SRGAP2: variants seen among roughly 807,000 people sequenced by gnomAD.
SRGAP2 encodes SLIT-ROBO Rho GTPase-activating protein 2.
SRGAP2 carries 15 observed loss-of-function variants against 57.2 expected under a neutral mutation model. That is an observed-to-expected ratio of 0.26 (90% CI 0.18 to 0.40). The LOEUF (loss-of-function observed/expected upper bound fraction) is 0.40, where lower values mean the gene tolerates loss of function less well. Among genes scored for constraint, SRGAP2 ranks in the 10% least tolerant of loss-of-function variants. The pLI, the probability that SRGAP2 is intolerant of heterozygous loss-of-function variation, is 1.00. For synonymous variants in SRGAP2, 249 were observed against 248.0 expected, an observed-to-expected ratio of 1.00 and a Z score of -0.04; for missense variants, 520 against 669.6, an observed-to-expected ratio of 0.78 and a Z score of 2.47.
intron 13 of SRGAP2, among the ~76,000 whole-genome samples, chr1:206,425,197 A>G (rs1553365893): frequency 2.6e-5 from 4 of 152,242 alleles, no homozygotes. Context: ...GCAAACGCTC[A>G]TATCACTAAC....
intron 2 of SRGAP2, among the ~76,000 whole-genome samples, chr1:206,212,409 A>G: frequency 9.8e-6 from 1 of 102,386 alleles, no homozygotes; most frequent in Non-Finnish European, 2.0e-5. Flanking sequence ...TTTTTTTTTT[A>G]AAAGGTACAC....
chr1:206,393,720 C>T (rs782208658), intron 7 of SRGAP2, 47 bp downstream of exon 7: 1 of 585,848 alleles, frequency 1.7e-6, no homozygotes, highest in Non-Finnish European at 3.2e-6. Context: ...TTTCTGGTTT[C>T]AGAATACTCG....
At chr1:206,377,095 G>A (rs1361970034) in intron 4 of SRGAP2, among the ~76,000 whole-genome samples, 2 of 152,136 alleles carry the variant, frequency 1.3e-5, no homozygotes, top group African/African-American at 2.4e-5. Flanking sequence ...GTTTCATATT[G>A]TAGTTGCTTT....
intron 11 of SRGAP2, among the ~76,000 whole-genome samples, chr1:206,418,849 G>A (rs868954067): frequency 1.0e-4 from 15 of 150,290 alleles, no homozygotes; most frequent in East Asian, 2.0e-4. Context: ...GTTCTCTCCC[G>A]CAAACAACTC....
rs573914237 is a variant in SRGAP2, at chr1:206,439,915, A to T, written c.1769-61A>T. On this transcript the variant is annotated intron_variant, in intron 16 of 22. Coordinates refer to ENST00000573034, the MANE Select transcript of SRGAP2 (RefSeq NM_015326.5). ...CCCCTGCTGGTAGTAGGGACTTCTG[A>T]TCATTACTGCCTGGGATCCCAGTCA... The T allele has an allele frequency of 3.6e-5, 27 of 757,584 alleles. No individual in the cohort carries two copies. In the African/African-American group the frequency reaches 4.6e-4, roughly 13 times the overall value. 46.9% of individuals were successfully genotyped at this position (757,584 alleles called of 1,614,324 possible).
chr1:206,421,288 CG>C lies in SRGAP2; in HGVS notation c.1494+18del, dbSNP rs782770855. The stretch of plus-strand genomic sequence containing the variant: ...GTGAGGAAACAGGTAAGGGCCCAAG[CG>C]GGGCCAGGCTGGTCTGGCCTGAAAA... On this transcript the variant is annotated intron_variant, in intron 13 of 22. Transcript: ENST00000573034. 3.9e-6 allele frequency: 3 copies of C among 777,132 alleles called. No homozygotes were observed. Among genetic ancestry groups the C allele is most frequent in the Non-Finnish European group, 7.2e-6 (3 of 416,430 alleles). 48.1% of individuals were successfully genotyped at this position (777,132 alleles called of 1,614,324 possible).
At chr1:206,280,159 C>G (rs1670650015) in intron 2 of SRGAP2, among the ~76,000 whole-genome samples, 1 of 150,820 alleles carries the variant, frequency 6.6e-6, no homozygotes, top group South Asian at 2.1e-4. Flanking sequence ...GTTGCCCCAG[C>G]TGGTCTCCAG....
At chr1:206,349,073 A>G (rs2102946283) in intron 4 of SRGAP2, among the ~76,000 whole-genome samples, 1 of 66,154 alleles carries the variant, frequency 1.5e-5, no homozygotes, top group Admixed American at 1.8e-4. Context: ...GAACTCAGTA[A>G]TAAGACAAAC....
Position 206,319,343 on chromosome 1 carries a change from G to A in SRGAP2, c.260+15870G>A, listed in dbSNP as rs546078198. Among the ~76,000 whole-genome samples the A allele has an allele frequency of 9.9e-5, 15 of 151,310 alleles. No individual in the cohort carries two copies. In the East Asian group the frequency reaches 1.2e-3, roughly 12 times the overall value. ...GGAGAATGGTGTGAACCCAGGAGGCGGAGCTTTCAGTGAGCCGAGATCGCG... is the reference window on the plus strand; with the variant it reads ...GGAGAATGGTGTGAACCCAGGAGGCAGAGCTTTCAGTGAGCCGAGATCGCG... On this transcript the variant is annotated intron_variant, in intron 3 of 22. Coordinates refer to ENST00000573034, the MANE Select transcript of SRGAP2 (RefSeq NM_015326.5).
intron 13 of SRGAP2, among the ~76,000 whole-genome samples, chr1:206,423,830 A>G (rs1280416489): frequency 4.6e-5 from 7 of 150,930 alleles, no homozygotes; most frequent in Non-Finnish European, 1.0e-4. Context: ...GCTGGAGTGC[A>G]GTGGCACAAT....
chr1:206,334,701 G>A (rs1409156856), intron 3 of SRGAP2, among the ~76,000 whole-genome samples: 1 of 152,184 alleles, frequency 6.6e-6, no homozygotes, highest in Admixed American at 6.5e-5. Flanking sequence ...TTGATAATAA[G>A]TGTGTGGATT....
At chr1:206,221,337 G>A (rs1244931425) in intron 2 of SRGAP2, among the ~76,000 whole-genome samples, 3 of 151,122 alleles carry the variant, frequency 2.0e-5, no homozygotes, top group Non-Finnish European at 4.4e-5. Context: ...GTCTTAGTCC[G>A]TTTTCTGTTG....
intron 3 of SRGAP2, among the ~76,000 whole-genome samples, chr1:206,332,541 C>T (rs1298878731): frequency 6.7e-6 from 1 of 149,714 alleles, no homozygotes. Context: ...CTTCCCTTCT[C>T]GCTTCCTTTC....
chr1:206,456,671 G>A (rs1395468182), intron 21 of SRGAP2, among the ~76,000 whole-genome samples: 1 of 152,206 alleles, frequency 6.6e-6, no homozygotes, highest in African/African-American at 2.4e-5. Context: ...CTCCTTGTTT[G>A]CTGGTGTCAG....
At chr1:206,279,567 C>T (rs1286930073) in intron 2 of SRGAP2, among the ~76,000 whole-genome samples, 35 of 84,960 alleles carry the variant, frequency 4.1e-4, no homozygotes, top group African/African-American at 5.7e-4. Context: ...AGACATGCAC[C>T]ACCACACCTG....
intron 7 of SRGAP2, among the ~76,000 whole-genome samples, chr1:206,398,448 A>C (rs1157613469): frequency 1.3e-5 from 2 of 152,092 alleles, no homozygotes; most frequent in African/African-American, 4.8e-5. Flanking sequence ...GAAGCTACAG[A>C]ATAGTTATAT....
intron 21 of SRGAP2, 36 bp downstream of exon 21, chr1:206,455,060 G>T: frequency 1.3e-6 from 1 of 780,236 alleles, no homozygotes; most frequent in South Asian, 1.3e-5. Context: ...TCCCCTGAAT[G>T]ACTTGCAACA....
chr1:206,309,407 G>A (rs1283815119), intron 3 of SRGAP2, among the ~76,000 whole-genome samples: 30 of 149,698 alleles, frequency 2.0e-4, no homozygotes, highest in Admixed American at 1.5e-3. Context: ...AGAGAGACAC[G>A]AGGAAAACAG....
At chr1:206,326,354 G>A (rs1156608814) in intron 3 of SRGAP2, among the ~76,000 whole-genome samples, 2 of 150,578 alleles carry the variant, frequency 1.3e-5, no homozygotes, top group Non-Finnish European at 3.0e-5. Context: ...CCTTTCATGT[G>A]TAACCACATG....
Sources: gnomAD v4.1 joint callset for allele counts (sites outside exome capture counted in the v4.1 genomes callset) on GRCh38, gnomAD v4.1.1 for gene constraint, MANE v1.5 for transcripts, NCBI Gene and HGNC (gene_info 2026-07-23, HGNC 2026-07-21) for gene names.